The following NR6A1 variants were observed in gnomAD, a reference collection of about 807,000 sequenced individuals.
The protein encoded by NR6A1 is nuclear receptor subfamily 6 group A member 1.
Under a neutral mutation model 59.1 loss-of-function variants are expected in NR6A1, and 7 were observed. That is an observed-to-expected ratio of 0.12 (90% CI 0.07 to 0.22). The LOEUF is 0.22. Ranked by LOEUF, NR6A1 falls within the 10% of genes least tolerant of loss-of-function variation. The pLI is 1.00. For synonymous variants in NR6A1, 243 were observed against 236.1 expected (o/e 1.03, Z -0.27); for missense variants, 468 against 611.6 (o/e 0.77, Z 2.48).
intron 2 of NR6A1, among the ~76,000 whole-genome samples, chr9:124,686,909 G>A (rs1390372385): frequency 6.6e-6 from 1 of 151,960 alleles, no homozygotes; most frequent in African/African-American, 2.4e-5. Context: ...TTGCCATGTT[G>A]CCCAGGCTGG....
chr9:124,644,773 T>C (rs1836883969), intron 2 of NR6A1, among the ~76,000 whole-genome samples: 1 of 152,184 alleles, frequency 6.6e-6, no homozygotes, highest in African/African-American at 2.4e-5. Context: ...CCCTGCCCTT[T>C]ACCTATGAAA....
At chr9:124,755,136 T>C (rs911218938) in intron 1 of NR6A1, among the ~76,000 whole-genome samples, 1 of 148,884 alleles carries the variant, frequency 6.7e-6, no homozygotes, top group African/African-American at 2.5e-5. Flanking sequence ...AACTCCTTTC[T>C]GCAAAGATCT....
chr9:124,735,679 C>G (rs1255780658), intron 1 of NR6A1, among the ~76,000 whole-genome samples: 1 of 152,172 alleles, frequency 6.6e-6, no homozygotes, highest in Non-Finnish European at 1.5e-5. Context: ...CAATGGGAAT[C>G]AGAAAAGCCA....
At chr9:124,731,890 G>T (rs1839894524) in intron 2 of NR6A1, among the ~76,000 whole-genome samples, 1 of 152,088 alleles carries the variant, frequency 6.6e-6, no homozygotes, top group Non-Finnish European at 1.5e-5. Context: ...AGTTATAAGT[G>T]GACTTTCAAC....
chr9:124,571,568 G>A (rs970809188), intron 2 of NR6A1, among the ~76,000 whole-genome samples: 2 of 152,150 alleles, frequency 1.3e-5, no homozygotes, highest in African/African-American at 2.4e-5. Flanking sequence ...AAAAGGCACT[G>A]GTTTAATGCA....
rs923221889 is a variant in NR6A1, at chr9:124,520,059, T to C, written c.*2646A>G. On this transcript the variant is annotated 3_prime_UTR_variant, in exon 10 of 10. Coordinates refer to ENST00000487099, the MANE Select transcript of NR6A1 (RefSeq NM_033334.4). Reference sequence around the variant, plus strand: ...AAGGCTACCTGTTAACCAAACATTATGGGGAAGAAAGCAAAAAACAAACAC... The same window carrying C: ...AAGGCTACCTGTTAACCAAACATTACGGGGAAGAAAGCAAAAAACAAACAC... 6.6e-6 allele frequency: 1 copy of C among 152,034 alleles called. No individual in the cohort carries two copies. Among genetic ancestry groups the C allele is most frequent in the Admixed American group, 6.6e-5 (1 of 15,262 alleles). 9.4% of individuals were successfully genotyped at this position (152,034 alleles called of 1,614,324 possible). A position where few individuals can be genotyped will look rare whatever the true frequency, so the allele number is the denominator to read the frequency against.
At chr9:124,612,259 C>T (rs1261164575) in intron 2 of NR6A1, among the ~76,000 whole-genome samples, 1 of 152,186 alleles carries the variant, frequency 6.6e-6, no homozygotes, top group Non-Finnish European at 1.5e-5. Flanking sequence ...CTCTCATAGT[C>T]CACCCAGATT....
At chr9:124,714,112 C>T (rs1287822460) in intron 2 of NR6A1, among the ~76,000 whole-genome samples, 1 of 152,138 alleles carries the variant, frequency 6.6e-6, no homozygotes, top group Non-Finnish European at 1.5e-5. Flanking sequence ...ACTTTAGGCA[C>T]ATTATGCTAA....
intron 2 of NR6A1, among the ~76,000 whole-genome samples, chr9:124,713,506 T>G (rs1450867108): frequency 6.6e-6 from 1 of 152,090 alleles, no homozygotes; most frequent in Non-Finnish European, 1.5e-5. Flanking sequence ...TGTTAAGAGA[T>G]TAATATACAG....
At chr9:124,598,290 T>C (rs537435396) in intron 2 of NR6A1, among the ~76,000 whole-genome samples, 2 of 151,788 alleles carry the variant, frequency 1.3e-5, no homozygotes, top group Admixed American at 6.6e-5. Flanking sequence ...TGCGCTATGA[T>C]TGTGGCCTCT....
Position 124,686,588 on chromosome 9 carries a change from A to G in NR6A1, c.142+46720T>C, listed in dbSNP as rs531859377. 3.9e-4 allele frequency among the ~76,000 whole-genome samples: 60 copies of G among 152,058 alleles called. 1 individual carries two copies. Among genetic ancestry groups the G allele is most frequent in the African/African-American group, 1.4e-3 (59 of 41,468 alleles). On this transcript the variant is annotated intron_variant, in intron 2 of 9. Transcript: ENST00000487099. ...ATTACAAATATCCTGATTTACCATGAAAAAAAACGAGTCCTGCTTCCTGTG... is the reference window on the plus strand; with the variant it reads ...ATTACAAATATCCTGATTTACCATGGAAAAAAACGAGTCCTGCTTCCTGTG...
At chr9:124,546,042 G>C (rs1234103203) in intron 3 of NR6A1, among the ~76,000 whole-genome samples, 1 of 152,334 alleles carries the variant, frequency 6.6e-6, no homozygotes, top group East Asian at 1.9e-4. Context: ...TTGAACCCGG[G>C]AGGTGGAGGT....
intron 2 of NR6A1, among the ~76,000 whole-genome samples, chr9:124,697,676 T>TA (rs35472562): frequency 0.028 from 3,804 of 134,922 alleles, 132 homozygotes; most frequent in African/African-American, 0.087. Context: ...AGGTAGGATT[T>TA]AAAAAAAAAA....
intron 2 of NR6A1, among the ~76,000 whole-genome samples, chr9:124,682,345 A>T (rs373412262): frequency 6.6e-6 from 1 of 152,208 alleles, no homozygotes; most frequent in East Asian, 1.9e-4. Context: ...CTAGTACGGT[A>T]TCAAAAGAAG....
chr9:124,577,951 A>G (rs555426899), intron 2 of NR6A1, among the ~76,000 whole-genome samples: 36 of 152,358 alleles, frequency 2.4e-4, no homozygotes, highest in African/African-American at 8.4e-4. Flanking sequence ...TGCTGGATCT[A>G]TTCATGGAGT....
At chr9:124,710,546 C>T (rs1041502265) in intron 2 of NR6A1, among the ~76,000 whole-genome samples, 2 of 152,214 alleles carry the variant, frequency 1.3e-5, no homozygotes, top group African/African-American at 4.8e-5. Flanking sequence ...TCCTTCCCAA[C>T]CTCTTAGCCC....
At chr9:124,720,372 GACA>G (rs943371212) in intron 2 of NR6A1, among the ~76,000 whole-genome samples, 2 of 152,076 alleles carry the variant, frequency 1.3e-5, no homozygotes, top group African/African-American at 2.4e-5. Context: ...TTTAAATGTT[GACA>G]ACTAACATGA....
intron 2 of NR6A1, among the ~76,000 whole-genome samples, chr9:124,659,776 A>C (rs1201823165): frequency 2.0e-5 from 3 of 152,242 alleles, no homozygotes; most frequent in Non-Finnish European, 4.4e-5. Flanking sequence ...GGAGAAAGAT[A>C]AAATAATTTT....
At chr9:124,747,155 T>A (rs557531160) in intron 1 of NR6A1, among the ~76,000 whole-genome samples, 1 of 151,154 alleles carries the variant, frequency 6.6e-6, no homozygotes, top group South Asian at 2.1e-4. Flanking sequence ...AGCAGTCACA[T>A]CCTTACAGAT....
Sources: allele counts gnomAD v4.1 joint callset (sites outside exome capture counted in the v4.1 genomes callset), GRCh38; gene constraint gnomAD v4.1.1; transcripts MANE v1.5; gene names NCBI Gene and HGNC (gene_info 2026-07-23, HGNC 2026-07-21).